The following ACAP2 variants were observed in gnomAD, a reference collection of about 807,000 sequenced individuals.
The protein encoded by ACAP2 is arf-GAP with coiled-coil, ANK repeat and PH domain-containing protein 2.
In ACAP2, 39 loss-of-function variants were observed where a neutral mutation model predicts 115.8. The ratio of observed to expected loss-of-function variants is 0.34; its 90% CI spans 0.26 to 0.44. ACAP2 has a LOEUF of 0.44. Ranked by LOEUF, ACAP2 falls within the 20% of genes least tolerant of loss-of-function variation. The probability of loss-of-function intolerance (pLI) is 1.00; values close to 1 mark genes in which losing one functional copy is unlikely to be tolerated. For synonymous variants in ACAP2, 289 were observed against 315.8 expected (o/e 0.92, Z 0.90); for missense variants, 662 against 927.6 (o/e 0.71, Z 3.72).
rs1225055403 is a variant in ACAP2 at position 195,274,961 on chromosome 3, A to G, written c.*4367T>C. On this transcript the variant is annotated 3_prime_UTR_variant, in exon 23 of 23. Coordinates refer to ENST00000326793, the MANE Select transcript of ACAP2 (RefSeq NM_012287.6). Reference sequence around the variant, plus strand: ...TGGACTGTTGGTTATACATTCTTTAAAATATACCTTTTCACAGGTAGCAAG... The same window carrying G: ...TGGACTGTTGGTTATACATTCTTTAGAATATACCTTTTCACAGGTAGCAAG... 1 of 152,674 alleles carries G rather than the reference A, an allele frequency of 6.5e-6. No homozygotes were observed. Among genetic ancestry groups the G allele is most frequent in the East Asian group, 1.9e-4 (1 of 5,204 alleles). The allele number at this position is 152,674 out of a possible 1,614,324, so 9.5% of individuals were successfully genotyped here.
Position 195,320,769 on chromosome 3 carries a change from A to G in ACAP2, c.789T>C (p.Ala263=), listed in dbSNP as rs1298013200. The change falls in exon 10 of 23, where the codon GCT becomes GCC. Residue 263 remains alanine (A), a synonymous_variant. Transcript: ENST00000326793. ...ATCCTTCCATAACTATGCCATTTGC[A>G]GCATCTACGTTATATTCTAACTTAG... The part of the protein sequence containing the change: ...DDSKLEYNVD[A]ANGIVMEGYL... The G allele has an allele frequency of 6.2e-7, 1 of 1,613,676 alleles. No individual in the cohort carries two copies. The highest frequency in any genetic ancestry group is 1.1e-5 in the South Asian group (1 of 91,070).
Position 195,297,208 on chromosome 3 carries a change from T to G in ACAP2, c.1469A>C (p.Lys490Thr). Reference protein sequence around the residue: ...EANVEKMGIKKPQPGQRQEKE... With the variant: ...EANVEKMGIKTPQPGQRQEKE... Reference sequence around the variant, plus strand: ...ATAGTACCTTTGTCCTGGTTGGGGTTTCTTTATTCCCATTTTTTCCACATT... The same window carrying G: ...ATAGTACCTTTGTCCTGGTTGGGGTGTCTTTATTCCCATTTTTTCCACATT... The change falls in exon 16 of 23, where the codon AAA (lysine) becomes ACA (threonine). Residue 490 changes from lysine (K) to threonine (T), a missense_variant. Coordinates refer to ENST00000326793, the MANE Select transcript of ACAP2 (RefSeq NM_012287.6). 6.2e-7 allele frequency: 1 copy of G among 1,613,208 alleles called. No individual in the cohort carries two copies.
At chr3:195,296,657 T>C (rs886690149) in intron 16 of ACAP2, among the ~76,000 whole-genome samples, 1 of 152,184 alleles carries the variant, frequency 6.6e-6, no homozygotes, top group African/African-American at 2.4e-5. Context: ...GCCACTTCAT[T>C]CAATGAGCCC....
intron 1 of ACAP2, among the ~76,000 whole-genome samples, chr3:195,413,849 CCT>C (rs1364320363): frequency 3.3e-5 from 5 of 152,022 alleles, no homozygotes; most frequent in Admixed American, 6.6e-5. Flanking sequence ...ATGGTGCACG[CCT>C]GTAGTCCCAG....
In ACAP2 at chr3:195,289,020, T is replaced by C. The variant is rs78846365; in HGVS notation, c.2174+101A>G. 384 of 795,578 alleles carry C rather than the reference T, an allele frequency of 4.8e-4. 3 individuals are homozygous for C. The African/African-American group carries it at 5.5e-3, about 11-fold the overall frequency. 49.3% of individuals were successfully genotyped at this position (795,578 alleles called of 1,614,324 possible). A position where few individuals can be genotyped will look rare whatever the true frequency, so the allele number is the denominator to read the frequency against. ...TATAAGGGACATGAGCATATGTGGA[T>C]GTTGGTATCCACAGGGTCCTGGAAC... On this transcript the variant is annotated intron_variant, in intron 21 of 22. Transcript: ENST00000326793.
At chr3:195,439,408 G>A (rs1185092514) in intron 1 of ACAP2, among the ~76,000 whole-genome samples, 1 of 151,218 alleles carries the variant, frequency 6.6e-6, no homozygotes, top group Non-Finnish European at 1.5e-5. Context: ...CAAACTCCTG[G>A]CCTCAAGCGA....
At chr3:195,424,155 T>C (rs1053303047) in intron 1 of ACAP2, among the ~76,000 whole-genome samples, 10 of 150,856 alleles carry the variant, frequency 6.6e-5, no homozygotes, top group Admixed American at 6.6e-5. Context: ...TGTCCCCTAG[T>C]ATAAATAGCA....
At chr3:195,308,454 T>A (rs1728556495) in intron 11 of ACAP2, among the ~76,000 whole-genome samples, 1 of 152,172 alleles carries the variant, frequency 6.6e-6, no homozygotes, top group Non-Finnish European at 1.5e-5. Flanking sequence ...ACACGTTGTA[T>A]ACAAGTATCA....
rs1393885376 is a variant in ACAP2, at chr3:195,278,940, TTGA to T, written c.*385_*387del. ...GGCAGGCAGGACAGTTGGCTTCCAC[TTGA>T]TGAAGACATGCTTGACTGAGTGATC... On this transcript the variant is annotated 3_prime_UTR_variant, in exon 23 of 23. Coordinates refer to ENST00000326793, the MANE Select transcript of ACAP2 (RefSeq NM_012287.6). 6.4e-6 allele frequency: 1 copy of T among 156,844 alleles called. No individual in the cohort carries two copies. The highest frequency in any genetic ancestry group is 1.4e-5 in the Non-Finnish European group (1 of 71,376). The allele number at this position is 156,844 out of a possible 1,614,324, so 9.7% of individuals were successfully genotyped here.
chr3:195,294,746 C>A lies in ACAP2; in HGVS notation c.1738G>T (p.Val580Leu). The A allele has an allele frequency of 1.2e-6, 2 of 1,608,924 alleles. No individual in the cohort carries two copies. Among genetic ancestry groups the A allele is most frequent in the Non-Finnish European group, 1.7e-6 (2 of 1,176,742 alleles). Residue 580 changes from valine to leucine, a missense_variant, in exon 18 of 23, where the codon GTG becomes TTG. Physicochemically the swap from Val to Leu is conservative, Grantham distance 32. This residue lies in a region of ACAP2 where 133 missense variants were observed against 123.1 expected (regional missense o/e 1.08). Coordinates refer to ENST00000326793, the MANE Select transcript of ACAP2 (RefSeq NM_012287.6). ...DDGRESLPST[V>L]SANSLYEPEG... ...GGCTCATATAAACTATTGGCTGACA[C>A]CGTGGAGGGTAAAGATTCTCTTCCA...
intron 1 of ACAP2, among the ~76,000 whole-genome samples, chr3:195,394,238 T>C (rs945220496): frequency 3.3e-5 from 5 of 152,168 alleles, no homozygotes; most frequent in Non-Finnish European, 7.3e-5. Context: ...CTAGTCTCAG[T>C]TCCCCATAGC....
chr3:195,349,652 G>C (rs939384231), intron 4 of ACAP2: 2 of 162,726 alleles, frequency 1.2e-5, no homozygotes, highest in East Asian at 1.9e-4. Context: ...TTTCTAATTT[G>C]GGTCCAGCAG....
chr3:195,287,461 C>A (rs983532289), intron 21 of ACAP2, among the ~76,000 whole-genome samples: 1 of 151,344 alleles, frequency 6.6e-6, no homozygotes, highest in Admixed American at 6.6e-5. Context: ...TACGACTACA[C>A]GCATGTGCCA....
At chr3:195,363,790 T>A (rs908655196) in intron 4 of ACAP2, among the ~76,000 whole-genome samples, 1 of 151,950 alleles carries the variant, frequency 6.6e-6, no homozygotes, top group Admixed American at 6.6e-5. Flanking sequence ...AGGAACAGAA[T>A]AGAGAACCCA....
chr3:195,284,392 T>C (rs1366460207), intron 22 of ACAP2, among the ~76,000 whole-genome samples: 2 of 152,208 alleles, frequency 1.3e-5, no homozygotes, highest in Non-Finnish European at 2.9e-5. Context: ...TTGAAACAAA[T>C]GGGTGAAATC....
At chr3:195,349,385 G>A (rs895056291) in intron 4 of ACAP2, among the ~76,000 whole-genome samples, 2 of 152,130 alleles carry the variant, frequency 1.3e-5, no homozygotes, top group Non-Finnish European at 2.9e-5. Flanking sequence ...GGAGGCTGAG[G>A]CAGGAGAATC....
At chr3:195,428,929 T>G (rs1220253969) in intron 1 of ACAP2, among the ~76,000 whole-genome samples, 2 of 152,182 alleles carry the variant, frequency 1.3e-5, no homozygotes, top group Non-Finnish European at 2.9e-5. Context: ...CTCCTAGGTA[T>G]TTATCTTAAG....
intron 6 of ACAP2, among the ~76,000 whole-genome samples, chr3:195,339,274 T>C (rs1267366309): frequency 6.6e-6 from 1 of 152,116 alleles, no homozygotes; most frequent in Non-Finnish European, 1.5e-5. Context: ...CTTCTGCATG[T>C]ATTTCAAAGC....
intron 4 of ACAP2, among the ~76,000 whole-genome samples, chr3:195,348,088 G>C (rs1408692266): frequency 1.3e-5 from 2 of 151,408 alleles, no homozygotes; most frequent in African/African-American, 4.8e-5. Context: ...GAATGTATTT[G>C]AGAAAGAAAT....
Sources: gnomAD v4.1 joint callset for allele counts (sites outside exome capture counted in the v4.1 genomes callset) on GRCh38, gnomAD v4.1.1 for gene constraint, gnomAD v4.1.1 regional missense constraint, MANE v1.5 for transcripts, NCBI Gene and HGNC (gene_info 2026-07-23, HGNC 2026-07-21) for gene names.